The following SH3RF3 variants were observed in gnomAD, a reference collection of about 807,000 sequenced individuals.
SH3RF3 encodes SH3 domain containing ring finger 3.
SH3RF3 carries 29 observed loss-of-function variants against 66.3 expected under a neutral mutation model. The ratio of observed to expected loss-of-function variants is 0.44; its 90% CI spans 0.33 to 0.60. The LOEUF is 0.60. Among genes scored for constraint, SH3RF3 ranks in the 20% least tolerant of loss-of-function variants. SH3RF3 has a pLI of 0.04. For synonymous variants in SH3RF3, 583 were observed against 532.0 expected (o/e 1.10, Z -1.32); for missense variants, 1,194 against 1,190.9 (o/e 1.00, Z -0.04).
chr2:109,288,547 T>C (rs9941618), intron 1 of SH3RF3, among the ~76,000 whole-genome samples: 12,734 of 152,324 alleles, frequency 0.084, 1,512 homozygotes, highest in African/African-American at 0.26. Flanking sequence ...TTTGTCATGT[T>C]GGTCTGGAGT....
chr2:109,358,619 C>T (rs112322044), intron 2 of SH3RF3, among the ~76,000 whole-genome samples: 2,757 of 152,314 alleles, frequency 0.018, 80 homozygotes, highest in African/African-American at 0.057. Flanking sequence ...CTTTGACTCA[C>T]CATTCAATCA....
At position 109,490,615 on chromosome 2, in the gene SH3RF3, A is replaced by T; in HGVS notation, c.2159A>T (p.Lys720Met). 1 of 1,449,156 alleles carries T rather than the reference A, an allele frequency of 6.9e-7. No individual in the cohort carries two copies. Among genetic ancestry groups the T allele is most frequent in the Non-Finnish European group, 9.1e-7 (1 of 1,098,760 alleles). 89.8% of individuals were successfully genotyped at this position (1,449,156 alleles called of 1,614,324 possible). The change falls in exon 9 of 10, where the codon AAG becomes ATG. Residue 720 changes from lysine to methionine, a missense_variant. Coordinates refer to ENST00000309415, the MANE Select transcript of SH3RF3 (RefSeq NM_001099289.3). The stretch of plus-strand genomic sequence containing the variant: ...TGTGTGTCTCCCCAGAAAGAGAAGA[A>T]GAGTGGGCTCCTGAAGCTTCTAGCC... The part of the protein sequence containing the change: ...DEKKSEKKEK[K>M]SGLLKLLAGA...
At chr2:109,163,216 A>G (rs1486066065) in intron 1 of SH3RF3, among the ~76,000 whole-genome samples, 1 of 152,108 alleles carries the variant, frequency 6.6e-6, no homozygotes, top group African/African-American at 2.4e-5. Flanking sequence ...GCTTTGGCAC[A>G]AGCCCAGAAC....
At chr2:109,214,286 C>A (rs1251248290) in intron 1 of SH3RF3, among the ~76,000 whole-genome samples, 3 of 152,034 alleles carry the variant, frequency 2.0e-5, no homozygotes, top group Admixed American at 6.6e-5. Flanking sequence ...AAAGCTGGGG[C>A]AGAAGGGCTT....
At chr2:109,255,433 G>A (rs1376161552) in intron 1 of SH3RF3, among the ~76,000 whole-genome samples, 1 of 152,214 alleles carries the variant, frequency 6.6e-6, no homozygotes, top group African/African-American at 2.4e-5. Context: ...ATGAAGGTCT[G>A]TGGGGTTGTG....
intron 1 of SH3RF3, among the ~76,000 whole-genome samples, chr2:109,335,485 C>T (rs969189210): frequency 6.6e-6 from 1 of 152,196 alleles, no homozygotes. Context: ...GACTAGCCCT[C>T]GCTCATCCAC....
Position 109,501,739 on chromosome 2 carries a change from G to T in SH3RF3, c.*68G>T. The T allele has an allele frequency of 1.4e-6, 1 of 690,726 alleles. No homozygotes were observed. The allele number at this position is 690,726 out of a possible 1,614,324, so 42.8% of individuals were successfully genotyped here. ...CCTGGGAAGCTCCACGGCACACAGA[G>T]AGGGAGCCATGGCGCCCCAAGGGTT... On this transcript the variant is annotated 3_prime_UTR_variant, in exon 10 of 10. Coordinates refer to ENST00000309415, the MANE Select transcript of SH3RF3 (RefSeq NM_001099289.3).
At chr2:109,296,720 T>C (rs1681318126) in intron 1 of SH3RF3, among the ~76,000 whole-genome samples, 1 of 152,102 alleles carries the variant, frequency 6.6e-6, no homozygotes, top group African/African-American at 2.4e-5. Flanking sequence ...CAGAGTCCCC[T>C]GTGAGGTGAG....
chr2:109,347,648 G>T, intron 1 of SH3RF3, 26 bp from the exon 2 acceptor site: 1 of 1,608,202 alleles, frequency 6.2e-7, no homozygotes, highest in South Asian at 1.1e-5. Flanking sequence ...CATGCCCGGT[G>T]ACCACATGCT....
intron 7 of SH3RF3, among the ~76,000 whole-genome samples, chr2:109,442,650 T>C (rs1455723241): frequency 6.6e-6 from 1 of 152,196 alleles, no homozygotes; most frequent in Non-Finnish European, 1.5e-5. Context: ...CTTTATGTTA[T>C]GAAATCATTT....
intron 7 of SH3RF3, among the ~76,000 whole-genome samples, chr2:109,441,349 G>A (rs764362247): frequency 4.6e-5 from 7 of 152,052 alleles, no homozygotes; most frequent in Admixed American, 1.3e-4. Flanking sequence ...GTTAAGTAGA[G>A]ACATAATAGA....
At chr2:109,405,132 C>T (rs1240967711) in intron 4 of SH3RF3, among the ~76,000 whole-genome samples, 1 of 152,070 alleles carries the variant, frequency 6.6e-6, no homozygotes, top group Non-Finnish European at 1.5e-5. Context: ...CAGCCAACGT[C>T]ACCTGCCAGC....
chr2:109,137,701 CA>C (rs1676842838), intron 1 of SH3RF3, among the ~76,000 whole-genome samples: 1 of 152,244 alleles, frequency 6.6e-6, no homozygotes, highest in Non-Finnish European at 1.5e-5. Context: ...GGCTTAGGCA[CA>C]TTTCAGTAAA....
chr2:109,200,653 T>C (rs1678648296), intron 1 of SH3RF3, among the ~76,000 whole-genome samples: 2 of 152,240 alleles, frequency 1.3e-5, no homozygotes, highest in African/African-American at 4.8e-5. Flanking sequence ...CACCCCTACC[T>C]GGCCAAGCTG....
At chr2:109,447,842 TC>T (rs1362308796) in intron 7 of SH3RF3, among the ~76,000 whole-genome samples, 1 of 152,194 alleles carries the variant, frequency 6.6e-6, no homozygotes, top group Non-Finnish European at 1.5e-5. Flanking sequence ...ATCCCTAACA[TC>T]TTTAAGAATT....
chr2:109,314,077 C>T (rs751512382), intron 1 of SH3RF3, among the ~76,000 whole-genome samples: 1 of 151,986 alleles, frequency 6.6e-6, no homozygotes, highest in Non-Finnish European at 1.5e-5. Flanking sequence ...CCGTGAGACC[C>T]GGGGCAAGTG....
intron 7 of SH3RF3, among the ~76,000 whole-genome samples, chr2:109,448,127 C>T (rs1043886581): frequency 1.2e-4 from 19 of 152,170 alleles, no homozygotes; most frequent in African/African-American, 3.6e-4. Flanking sequence ...CAGGCCAGTT[C>T]GGGATCAAGA....
chr2:109,157,666 T>C (rs1677379924), intron 1 of SH3RF3, among the ~76,000 whole-genome samples: 1 of 152,222 alleles, frequency 6.6e-6, no homozygotes, highest in African/African-American at 2.4e-5. Context: ...AAAGATGTGA[T>C]TCAGTTGGTT....
chr2:109,173,577 G>T (rs1217351743), intron 1 of SH3RF3, among the ~76,000 whole-genome samples: 1 of 152,148 alleles, frequency 6.6e-6, no homozygotes, highest in South Asian at 2.1e-4. Context: ...GTGGCTGCGG[G>T]GAAGGCCACA....
Sources: allele counts gnomAD v4.1 joint callset (sites outside exome capture counted in the v4.1 genomes callset), GRCh38; gene constraint gnomAD v4.1.1; transcripts MANE v1.5; gene names NCBI Gene and HGNC (gene_info 2026-07-23, HGNC 2026-07-21).